Variants in EIF2AK2 observed in about 807,000 individuals in gnomAD.
EIF2AK2 encodes the protein interferon-induced, double-stranded RNA-activated protein kinase.
In EIF2AK2, 40 loss-of-function variants were observed where a neutral mutation model predicts 70.5. The observed-to-expected ratio is 0.57, with a 90% confidence interval of 0.44 to 0.74. The LOEUF (loss-of-function observed/expected upper bound fraction) is 0.74, where lower values mean the gene tolerates loss of function less well. EIF2AK2 is among the 30% of genes least tolerant of loss of function. The probability of loss-of-function intolerance (pLI) is 0.00; values close to 1 mark genes in which losing one functional copy is unlikely to be tolerated. For missense variants in EIF2AK2, 555 were observed against 644.3 expected (o/e 0.86, Z 1.50); for synonymous variants, 198 against 220.9 (o/e 0.90, Z 0.92).
chr2:37,140,293 T>C (rs1196476961), intron 5 of EIF2AK2, among the ~76,000 whole-genome samples: 1 of 152,208 alleles, frequency 6.6e-6, no homozygotes, highest in Non-Finnish European at 1.5e-5. Context: ...AGATTCCCTA[T>C]ACTAAAGTCC....
chr2:37,134,875 C>T (rs1447954163), intron 10 of EIF2AK2, among the ~76,000 whole-genome samples: 2 of 152,200 alleles, frequency 1.3e-5, no homozygotes, highest in African/African-American at 4.8e-5. Flanking sequence ...CCAACCTTTG[C>T]CCATTCCATC....
intron 3 of EIF2AK2, among the ~76,000 whole-genome samples, chr2:37,147,277 G>C (rs1324264575): frequency 1.3e-5 from 2 of 151,692 alleles, no homozygotes; most frequent in Non-Finnish European, 2.9e-5. Flanking sequence ...CATTCCCCCA[G>C]CTTACATTTA....
rs575675600 is a variant in EIF2AK2, at chr2:37,106,218, C to G, written c.*1055G>C. 1 of 152,234 alleles carries G rather than the reference C, an allele frequency of 6.6e-6. No individual in the cohort carries two copies. The highest frequency in any genetic ancestry group is 2.4e-5 in the African/African-American group (1 of 41,536). 9.4% of individuals were successfully genotyped at this position (152,234 alleles called of 1,614,324 possible). On this transcript the variant is annotated 3_prime_UTR_variant, in exon 17 of 17. Coordinates refer to ENST00000233057, the MANE Select transcript of EIF2AK2 (RefSeq NM_001135651.3). The stretch of plus-strand genomic sequence containing the variant: ...ACAAAATGATTTAGTTTTGCATGCT[C>G]TGGAACTTTATATAAATGGAATTAT...
chr2:37,143,222 CAAAA>C (rs34947987), intron 4 of EIF2AK2, among the ~76,000 whole-genome samples: 6 of 112,198 alleles, frequency 5.3e-5, no homozygotes, highest in Admixed American at 8.9e-5. Context: ...GACTCTGTCT[CAAAA>C]AAAAAAAAAA....
chr2:37,127,788 G>T (rs1674794964), intron 10 of EIF2AK2, among the ~76,000 whole-genome samples: 2 of 148,660 alleles, frequency 1.3e-5, no homozygotes, highest in Admixed American at 6.8e-5. Flanking sequence ...TGTCACCCAG[G>T]CTGGAATACA....
At position 37,138,581 on chromosome 2, in the gene EIF2AK2, G is replaced by C. The variant is rs151305286; in HGVS notation, c.521C>G (p.Ser174Cys). The C allele has an allele frequency of 2.9e-5, 47 of 1,614,028 alleles. No individual in the cohort carries two copies. In the East Asian group the frequency reaches 9.1e-4, roughly 31 times the overall value. ...QILSEETSVK[S>C]DYLSSGSFAT... ...AAAAGAACCAGAGGACAGGTAGTCA[G>C]ATTTCTGAAAGAAAAAGTATCCCTT... is the stretch of plus-strand genomic sequence containing the variant. Residue 174 changes from serine (S) to cysteine (C), a missense_variant, in exon 7 of 17, where the codon TCT becomes TGT. Ser to Cys is a moderately radical substitution (Grantham distance 112). Around this residue, in one of 3 missense-constraint regions of EIF2AK2, gnomAD observed 208 missense variants for 191.8 expected, o/e 1.08. Transcript: ENST00000233057.
chr2:37,109,545 C>T (rs747741589), intron 14 of EIF2AK2: 6 of 379,150 alleles, frequency 1.6e-5, no homozygotes, highest in Non-Finnish European at 2.4e-5. Context: ...CAGTATCAAC[C>T]ACAGAGTTTG....
At chr2:37,138,958 T>C (rs1423586072) in intron 6 of EIF2AK2, among the ~76,000 whole-genome samples, 2 of 148,434 alleles carry the variant, frequency 1.3e-5, no homozygotes, top group African/African-American at 5.1e-5. Flanking sequence ...ACCACACCCG[T>C]CTAATTTTTT....
intron 1 of EIF2AK2, among the ~76,000 whole-genome samples, chr2:37,156,359 A>C (rs1047866286): frequency 6.6e-6 from 1 of 152,114 alleles, no homozygotes; most frequent in African/African-American, 2.4e-5. Context: ...GTTCTTACTT[A>C]AAGGAACATT....
rs550537145 is a variant in EIF2AK2, at chr2:37,122,364, G to C, written c.1067+142C>G. ...AGATTTTCACTTTCTCCTTACCTTC[G>C]GAATGGAGAGATAACAGTGTCTCTC... On this transcript the variant is annotated intron_variant, in intron 12 of 16. Coordinates refer to ENST00000233057, the MANE Select transcript of EIF2AK2 (RefSeq NM_001135651.3). 112 of 947,298 alleles carry C rather than the reference G, an allele frequency of 1.2e-4. 2 individuals are homozygous for C. In the South Asian group the frequency reaches 1.9e-3, roughly 16 times the overall value. The allele number at this position is 947,298 out of a possible 1,614,324, so 58.7% of individuals were successfully genotyped here.
At chr2:37,114,560 C>A (rs1047464629) in intron 14 of EIF2AK2, among the ~76,000 whole-genome samples, 171 bp downstream of exon 14, 5 of 151,620 alleles carry the variant, frequency 3.3e-5, no homozygotes, top group African/African-American at 9.7e-5. Flanking sequence ...AGAAAATTAT[C>A]TAAAAGGATA....
intron 10 of EIF2AK2, among the ~76,000 whole-genome samples, chr2:37,128,740 T>C (rs1224658631): frequency 1.3e-5 from 2 of 152,152 alleles, no homozygotes; most frequent in Non-Finnish European, 2.9e-5. Context: ...AATAACTCCA[T>C]AATAAAGCCC....
intron 10 of EIF2AK2, among the ~76,000 whole-genome samples, chr2:37,129,158 G>T (rs1674853279): frequency 6.6e-6 from 1 of 151,778 alleles, no homozygotes; most frequent in South Asian, 2.1e-4. Context: ...CAGAGATGAG[G>T]AACAAAAAAT....
At chr2:37,132,731 T>C (rs1674990850) in intron 10 of EIF2AK2, among the ~76,000 whole-genome samples, 1 of 152,202 alleles carries the variant, frequency 6.6e-6, no homozygotes, top group African/African-American at 2.4e-5. Flanking sequence ...CCATTTTCCA[T>C]CAATGCTCTA....
intron 12 of EIF2AK2, 122 bp downstream of exon 12, chr2:37,122,384 T>C (rs897300451): frequency 5.6e-6 from 6 of 1,073,416 alleles, no homozygotes; most frequent in Non-Finnish European, 7.9e-6. Context: ...GATAACAGTG[T>C]CTCTCAGAGG....
chr2:37,121,295 A>G (rs1281861819), intron 12 of EIF2AK2, among the ~76,000 whole-genome samples: 1 of 151,648 alleles, frequency 6.6e-6, no homozygotes, highest in Non-Finnish European at 1.5e-5. Flanking sequence ...ACGAGAAGAA[A>G]AAAAAAATGA....
At chr2:37,141,467 T>C in intron 5 of EIF2AK2, 86 bp downstream of exon 5, 7 of 1,517,454 alleles carry the variant, frequency 4.6e-6, no homozygotes, top group Non-Finnish European at 6.3e-6. Context: ...AAAGGACACA[T>C]ATTTCTGGAA....
At chr2:37,120,534 A>ACG (rs1674506901) in intron 12 of EIF2AK2, among the ~76,000 whole-genome samples, 1 of 145,632 alleles carries the variant, frequency 6.9e-6, no homozygotes, top group Admixed American at 7.0e-5. Flanking sequence ...AAGAAAAAAA[A>ACG]AGAACCCCAA....
At chr2:37,155,646 C>T (rs1477376811) in intron 1 of EIF2AK2, among the ~76,000 whole-genome samples, 1 of 152,152 alleles carries the variant, frequency 6.6e-6, no homozygotes, top group Non-Finnish European at 1.5e-5. Flanking sequence ...CTGGAAGAAA[C>T]CTCCATCATA....
Sources: gnomAD v4.1 joint callset for allele counts (sites outside exome capture counted in the v4.1 genomes callset) on GRCh38, gnomAD v4.1.1 for gene constraint, gnomAD v4.1.1 regional missense constraint, MANE v1.5 for transcripts, NCBI Gene and HGNC (gene_info 2026-07-23, HGNC 2026-07-21) for gene names.